Variants in TSPAN9 observed in about 807,000 individuals in gnomAD.
TSPAN9 encodes tetraspanin 9, also known as tetraspanin-9.
In TSPAN9, 16 loss-of-function variants were observed where a neutral mutation model predicts 31.0. The ratio of observed to expected loss-of-function variants is 0.52; its 90% CI spans 0.35 to 0.78. The LOEUF is 0.78. TSPAN9 is among the 30% of genes least tolerant of loss of function. TSPAN9 has a pLI of 0.01. For missense variants in TSPAN9, 272 were observed against 312.5 expected, an observed-to-expected ratio of 0.87 and a Z score of 0.98; for synonymous variants, 145 against 121.6, an observed-to-expected ratio of 1.19 and a Z score of -1.27.
chr12:3,101,949 C>G (rs949514270), intron 2 of TSPAN9, among the ~76,000 whole-genome samples: 14 of 152,186 alleles, frequency 9.2e-5, no homozygotes, highest in African/African-American at 3.1e-4. Flanking sequence ...TTCTCTGGGT[C>G]TCATGTCTCT....
intron 3 of TSPAN9, among the ~76,000 whole-genome samples, chr12:3,253,889 C>T (rs1025629719): frequency 6.6e-6 from 1 of 152,218 alleles, no homozygotes; most frequent in African/African-American, 2.4e-5. Context: ...GCCCCAGAAC[C>T]CCAGGTGCGT....
intron 1 of TSPAN9, among the ~76,000 whole-genome samples, chr12:3,080,064 C>T (rs1357198749): frequency 6.6e-6 from 1 of 151,652 alleles, no homozygotes; most frequent in Non-Finnish European, 1.5e-5. Flanking sequence ...GTTGGGATTA[C>T]AGGCGTGAGC....
At chr12:3,132,801 C>T (rs746798673) in intron 2 of TSPAN9, among the ~76,000 whole-genome samples, 1 of 152,100 alleles carries the variant, frequency 6.6e-6, no homozygotes, top group Non-Finnish European at 1.5e-5. Flanking sequence ...TCAGGTTCTC[C>T]CATCCCTAGT....
chr12:3,150,117 T>C (rs760646696), intron 2 of TSPAN9, among the ~76,000 whole-genome samples: 45 of 152,110 alleles, frequency 3.0e-4, no homozygotes, highest in Admixed American at 6.5e-4. Flanking sequence ...GCAGTGACAA[T>C]GTAGCATGAA....
rs1862869819 is a variant in TSPAN9, at chr12:3,280,323, C to T, written c.331-59C>T. ...ACCATCCTGGGTGACCTGAGGTGGGCTGGAGAGACGAGCTGCGTCCTGGTT... is the reference window on the plus strand; with the variant it reads ...ACCATCCTGGGTGACCTGAGGTGGGTTGGAGAGACGAGCTGCGTCCTGGTT... On this transcript the variant is annotated intron_variant, in intron 5 of 8. Transcript: ENST00000011898. This position sits in a 1 kb window ranked among gnomAD's most constrained non-coding sequence, Gnocchi z 4.5. 4 of 1,507,456 alleles carry T rather than the reference C, an allele frequency of 2.7e-6. No individual in the cohort carries two copies. The Admixed American group carries it at 5.0e-5, about 19-fold the overall frequency. The allele number at this position is 1,507,456 out of a possible 1,614,324, so 93.4% of individuals were successfully genotyped here.
intron 2 of TSPAN9, among the ~76,000 whole-genome samples, chr12:3,152,821 C>T (rs2098340480): frequency 6.6e-6 from 1 of 152,234 alleles, no homozygotes; most frequent in African/African-American, 2.4e-5. Context: ...CTCCTGACCT[C>T]AGGTGATCCA....
At chr12:3,241,663 C>G (rs2098396636) in intron 3 of TSPAN9, among the ~76,000 whole-genome samples, 1 of 152,210 alleles carries the variant, frequency 6.6e-6, no homozygotes, top group Non-Finnish European at 1.5e-5. Flanking sequence ...TGCCCTTATC[C>G]CAGTCATGGT....
intron 3 of TSPAN9, among the ~76,000 whole-genome samples, chr12:3,226,437 C>T (rs1364236213): frequency 2.0e-5 from 3 of 151,762 alleles, no homozygotes; most frequent in Admixed American, 6.6e-5. Flanking sequence ...TGGCCGTGAG[C>T]ATTCTTAAGG....
intron 2 of TSPAN9, among the ~76,000 whole-genome samples, chr12:3,118,625 TG>T (rs929169523): frequency 6.6e-6 from 1 of 151,882 alleles, no homozygotes; most frequent in Non-Finnish European, 1.5e-5. Context: ...TTGACAAACA[TG>T]GGGAAACATT....
rs530975912 is a variant in TSPAN9 at position 3,112,822 on chromosome 12, A to G, written c.-18+29103A>G. Among the ~76,000 whole-genome samples, 6 of 151,832 alleles carry G rather than the reference A, an allele frequency of 4.0e-5. No homozygotes were observed. In the East Asian group the frequency reaches 5.9e-4, roughly 15 times the overall value. ...TTCAGACTCCCCCGTAGCTGGGGCT[A>G]TAGGCACATGCCACCACACCTAGCT... On this transcript the variant is annotated intron_variant, in intron 2 of 8. Transcript: ENST00000011898.
At chr12:3,219,245 T>C (rs73043504) in intron 3 of TSPAN9, among the ~76,000 whole-genome samples, 8,289 of 152,276 alleles carry the variant, frequency 0.054, 275 homozygotes, top group Middle Eastern at 0.095. Context: ...CAGTTTTGTT[T>C]CTTTTTGTGA....
intron 2 of TSPAN9, among the ~76,000 whole-genome samples, chr12:3,111,176 C>G (rs2098318440): frequency 6.6e-6 from 1 of 152,178 alleles, no homozygotes; most frequent in African/African-American, 2.4e-5. Context: ...CTTTTCTGGG[C>G]CAGAATACCT....
rs146652944 is a variant in TSPAN9, at chr12:3,111,258, T to C, written c.-18+27539T>C. ...CCAGATCCTACCTCCTCGTAACACT[T>C]CTCAGCTGCTCCAGGAGATGCCCGT... On this transcript the variant is annotated intron_variant, in intron 2 of 8. Coordinates refer to ENST00000011898, the MANE Select transcript of TSPAN9 (RefSeq NM_006675.5). Among the ~76,000 whole-genome samples the C allele has an allele frequency of 3.7e-4, 56 of 152,332 alleles. No individual in the cohort carries two copies. The East Asian group carries it at 9.8e-3, about 27-fold the overall frequency.
intron 2 of TSPAN9, among the ~76,000 whole-genome samples, chr12:3,098,954 T>C (rs950922526): frequency 2.0e-5 from 3 of 152,158 alleles, no homozygotes; most frequent in Non-Finnish European, 2.9e-5. Context: ...GGTTTCACCA[T>C]GTTGGCCAGG....
chr12:3,230,243 C>T (rs1340310575), intron 3 of TSPAN9, among the ~76,000 whole-genome samples: 17 of 152,266 alleles, frequency 1.1e-4, no homozygotes, highest in Admixed American at 9.2e-4. Flanking sequence ...AGGCATCACA[C>T]GTTGTCCAGG....
chr12:3,268,828 GCA>G (rs1403833751), intron 3 of TSPAN9, among the ~76,000 whole-genome samples: 3 of 98,602 alleles, frequency 3.0e-5, no homozygotes, highest in Admixed American at 9.9e-5. Flanking sequence ...TGCCCTCCGT[GCA>G]TTCCTGCAGC....
At chr12:3,244,878 G>A (rs1410861036) in intron 3 of TSPAN9, among the ~76,000 whole-genome samples, 1 of 152,142 alleles carries the variant, frequency 6.6e-6, no homozygotes, top group Non-Finnish European at 1.5e-5. Context: ...GCTCCTCCTG[G>A]GGCAGTGGAC....
intron 2 of TSPAN9, among the ~76,000 whole-genome samples, chr12:3,117,898 C>A (rs934744918): frequency 3.9e-5 from 6 of 152,056 alleles, no homozygotes; most frequent in Admixed American, 3.9e-4. Flanking sequence ...GCTGCTGGTC[C>A]TGGGACCTGC....
At chr12:3,227,568 G>T (rs61907334) in intron 3 of TSPAN9, among the ~76,000 whole-genome samples, 2 of 152,058 alleles carry the variant, frequency 1.3e-5, no homozygotes, top group Non-Finnish European at 2.9e-5. Flanking sequence ...CCAGGAAGCC[G>T]CAGGTACCTG....
Sources: gnomAD v4.1 joint callset for allele counts (sites outside exome capture counted in the v4.1 genomes callset) on GRCh38, gnomAD v4.1.1 for gene constraint, Gnocchi (gnomAD v3.1) non-coding constraint, MANE v1.5 for transcripts, NCBI Gene and HGNC (gene_info 2026-07-23, HGNC 2026-07-21) for gene names.